Variants in CCDC126 observed in about 807,000 individuals in gnomAD.
CCDC126 encodes the protein coiled-coil domain-containing protein 126.
A neutral mutation model predicts 11.7 loss-of-function variants in CCDC126; 5 were observed. That is an observed-to-expected ratio of 0.43 (90% CI 0.22 to 0.90). The LOEUF (loss-of-function observed/expected upper bound fraction) is 0.90. CCDC126 is among the 40% of genes least tolerant of loss of function. The pLI is 0.27. For missense variants in CCDC126, 150 were observed against 163.1 expected, an observed-to-expected ratio of 0.92 and a Z score of 0.44; for synonymous variants, 60 against 61.9, an observed-to-expected ratio of 0.97 and a Z score of 0.14.
In CCDC126 at chr7:23,643,119, T is replaced by G. The variant is rs774106801; in HGVS notation, c.*4T>G. On this transcript the variant is annotated 3_prime_UTR_variant, in exon 4 of 4. Coordinates refer to ENST00000307471, the MANE Select transcript of CCDC126 (RefSeq NM_138771.4). Reference sequence around the variant, plus strand: ...TGTCTCGGGCAGTATCAGATAGCAGTTGAAAATCACCTTGTGCTGCTCCAT... The same window carrying G: ...TGTCTCGGGCAGTATCAGATAGCAGGTGAAAATCACCTTGTGCTGCTCCAT... 2 of 1,612,442 alleles carry G rather than the reference T, an allele frequency of 1.2e-6. No homozygotes were observed. The highest frequency in any genetic ancestry group is 8.5e-7 in the Non-Finnish European group (1 of 1,178,988).
intron 2 of CCDC126, among the ~76,000 whole-genome samples, chr7:23,603,618 G>A (rs1014728486): frequency 6.6e-6 from 1 of 152,120 alleles, no homozygotes; most frequent in African/African-American, 2.4e-5. Flanking sequence ...TTCTTTATCT[G>A]AAATGCGAGG....
intron 2 of CCDC126, among the ~76,000 whole-genome samples, chr7:23,610,371 C>G (rs1006727203): frequency 2.0e-5 from 3 of 152,090 alleles, no homozygotes; most frequent in Non-Finnish European, 2.9e-5. Context: ...GCCACCATGC[C>G]TGGCTAATTT....
chr7:23,624,336 T>C (rs1782976262), intron 3 of CCDC126, among the ~76,000 whole-genome samples: 1 of 152,244 alleles, frequency 6.6e-6, no homozygotes, highest in Admixed American at 6.5e-5. Flanking sequence ...ATGATTTTCC[T>C]GAAATAATGA....
At chr7:23,621,385 G>A (rs1474588167) in intron 3 of CCDC126, among the ~76,000 whole-genome samples, 5 of 152,168 alleles carry the variant, frequency 3.3e-5, no homozygotes, top group Non-Finnish European at 7.3e-5. Context: ...CTGTTTGTGT[G>A]TTATTGGTGT....
chr7:23,611,177 T>A lies in CCDC126; in HGVS notation c.-139T>A. On this transcript the variant is annotated 5_prime_UTR_variant, in exon 3 of 4. Coordinates refer to ENST00000307471, the MANE Select transcript of CCDC126 (RefSeq NM_138771.4). ...TTTCTTCTTAATTTTACAGAGTTAA[T>A]AGAGTGGATACAACCTTGCTGAAGA... 1.6e-6 allele frequency: 1 copy of A among 634,326 alleles called. No homozygotes were observed. The highest frequency in any genetic ancestry group is 2.8e-6 in the Non-Finnish European group (1 of 356,558). 39.3% of individuals were successfully genotyped at this position (634,326 alleles called of 1,614,324 possible).
intron 3 of CCDC126, among the ~76,000 whole-genome samples, chr7:23,637,161 G>A (rs1337553659): frequency 2.2e-4 from 14 of 64,682 alleles, no homozygotes; most frequent in Admixed American, 2.5e-4. Flanking sequence ...TGGGAAGTGA[G>A]GAGCCCCTCT....
At chr7:23,642,747 A>G (rs1274650201) in intron 3 of CCDC126, among the ~76,000 whole-genome samples, 184 bp from the exon 4 acceptor site, 1 of 151,262 alleles carries the variant, frequency 6.6e-6, no homozygotes, top group East Asian at 1.9e-4. Context: ...TGGGAGACAG[A>G]GGGAAACTCC....
At chr7:23,612,696 C>G (rs762385008) in intron 3 of CCDC126, among the ~76,000 whole-genome samples, 1 of 151,800 alleles carries the variant, frequency 6.6e-6, no homozygotes, top group Non-Finnish European at 1.5e-5. Flanking sequence ...AAAAAAATGA[C>G]CTTCTTGGAC....
rs1478910727 is a variant in CCDC126 at position 23,637,789 on chromosome 7, G to C, written c.239-5142G>C. Among the ~76,000 whole-genome samples, 63 of 97,712 alleles carry C rather than the reference G, an allele frequency of 6.4e-4. 3 individuals carry two copies. The highest frequency in any genetic ancestry group is 2.2e-3 in the African/African-American group (62 of 28,422). 64.1% of individuals were successfully genotyped at this position (97,712 alleles called of 152,430 possible). A position where few individuals can be genotyped will look rare whatever the true frequency, so the allele number is the denominator to read the frequency against. ...GCCCGGCCAGCCGCCCAGTCCGGGAGGGAGGCGGGGAGGGGGGGGTCGGCC... is the reference window on the plus strand; with the variant it reads ...GCCCGGCCAGCCGCCCAGTCCGGGACGGAGGCGGGGAGGGGGGGGTCGGCC... On this transcript the variant is annotated intron_variant, in intron 3 of 3. Coordinates refer to ENST00000307471, the MANE Select transcript of CCDC126 (RefSeq NM_138771.4).
chr7:23,600,716 G>T (rs1261538088), intron 2 of CCDC126, among the ~76,000 whole-genome samples: 7 of 152,142 alleles, frequency 4.6e-5, no homozygotes, highest in Admixed American at 4.6e-4. Context: ...AAAATGTAGA[G>T]CACTGAATAG....
At position 23,606,923 on chromosome 7, in the gene CCDC126, C is replaced by A. The variant is rs537241739; in HGVS notation, c.-145-4248C>A. 1.9e-3 allele frequency among the ~76,000 whole-genome samples: 285 copies of A among 151,464 alleles called. 2 individuals carry two copies. The highest frequency in any genetic ancestry group is 0.019 in the Admixed American group (283 of 15,220). ...CCAGACTGGGCAACGTAATGAGACCCCTCTAAAAAAAAAAAAGTACAAAAA... is the reference window on the plus strand; with the variant it reads ...CCAGACTGGGCAACGTAATGAGACCACTCTAAAAAAAAAAAAGTACAAAAA... On this transcript the variant is annotated intron_variant, in intron 2 of 3. Transcript: ENST00000307471.
chr7:23,636,437 A>C (rs7779265), intron 3 of CCDC126, among the ~76,000 whole-genome samples: 1 of 143,534 alleles, frequency 7.0e-6, no homozygotes, highest in Non-Finnish European at 1.5e-5. Context: ...CGCCGCCGCC[A>C]TCCCATCTAG....
intron 3 of CCDC126, among the ~76,000 whole-genome samples, chr7:23,638,235 A>T (rs1018447987): frequency 6.6e-6 from 1 of 151,974 alleles, no homozygotes; most frequent in African/African-American, 2.4e-5. Context: ...CTCATTGGGG[A>T]TGGGCCATGA....
At chr7:23,608,457 CTA>C (rs1584195558) in intron 2 of CCDC126, among the ~76,000 whole-genome samples, 1 of 152,258 alleles carries the variant, frequency 6.6e-6, no homozygotes, top group East Asian at 1.9e-4. Flanking sequence ...TCTTAAAACA[CTA>C]TGATTTTTTT....
intron 3 of CCDC126, among the ~76,000 whole-genome samples, chr7:23,633,546 T>C (rs920283460): frequency 2.6e-5 from 4 of 151,754 alleles, no homozygotes; most frequent in Non-Finnish European, 5.9e-5. Context: ...AACTTTACAC[T>C]GGGTAACTCA....
At chr7:23,641,327 G>T (rs1011787295) in intron 3 of CCDC126, among the ~76,000 whole-genome samples, 3 of 152,070 alleles carry the variant, frequency 2.0e-5, no homozygotes, top group African/African-American at 7.2e-5. Context: ...ATCTATTCAA[G>T]TCCTTTGCCC....
chr7:23,625,050 C>T (rs1468661702), intron 3 of CCDC126, among the ~76,000 whole-genome samples: 1 of 152,102 alleles, frequency 6.6e-6, no homozygotes, highest in African/African-American at 2.4e-5. Context: ...CACTGTGTTG[C>T]CCGGCATATT....
At chr7:23,630,494 T>G (rs1783090557) in intron 3 of CCDC126, among the ~76,000 whole-genome samples, 1 of 99,514 alleles carries the variant, frequency 1.0e-5, no homozygotes, top group South Asian at 2.7e-4. Flanking sequence ...TGAGACTGTT[T>G]CAGTCAATCA....
chr7:23,611,959 C>G (rs143086264), intron 3 of CCDC126, among the ~76,000 whole-genome samples: 1 of 151,960 alleles, frequency 6.6e-6, no homozygotes, highest in Non-Finnish European at 1.5e-5. Context: ...CTGGCTAACA[C>G]GGTAAAACCC....
Sources: gnomAD v4.1 joint callset for allele counts (sites outside exome capture counted in the v4.1 genomes callset) on GRCh38, gnomAD v4.1.1 for gene constraint, MANE v1.5 for transcripts, NCBI Gene and HGNC (gene_info 2026-07-23, HGNC 2026-07-21) for gene names.